The following PUDP variants were observed in gnomAD, a reference collection of about 807,000 sequenced individuals.
PUDP encodes the protein pseudouridine-5'-phosphatase.
PUDP carries 8 observed loss-of-function variants against 9.4 expected under a neutral mutation model. The observed-to-expected ratio is 0.85, with a 90% CI of 0.50 to 1.53. The LOEUF (loss-of-function observed/expected upper bound fraction) is 1.53. Among genes scored for constraint, PUDP ranks in the 40% most tolerant of loss-of-function variants. PUDP has a pLI of 0.00. For synonymous variants in PUDP, 99 were observed against 80.7 expected (o/e 1.23, Z -1.22); for missense variants, 188 against 189.7 (o/e 0.99, Z 0.05).
intron 3 of PUDP, among the ~76,000 whole-genome samples, chrX:6,734,911 C>A (rs1924855132): frequency 8.9e-6 from 1 of 111,768 alleles, no homozygotes; most frequent in Non-Finnish European, 1.9e-5. Flanking sequence ...GTATAGGAGG[C>A]CTGATGCTTG....
At chrX:6,815,023 T>C (rs1380975927) in intron 3 of PUDP, among the ~76,000 whole-genome samples, 2 of 111,546 alleles carry the variant, frequency 1.8e-5, no homozygotes, top group Non-Finnish European at 3.8e-5. Context: ...CTTTTTCTTG[T>C]TGCTATTCAT....
Position 6,799,947 on chromosome X carries a change from T to C in PUDP, c.*248-93481A>G, listed in dbSNP as rs188989076. Among the ~76,000 whole-genome samples, 20 of 112,603 alleles carry C rather than the reference T, an allele frequency of 1.8e-4. No homozygotes were observed. The East Asian group carries it at 5.2e-3, about 30-fold the overall frequency. ...TGGTAACTAACCCAGTATAAAACTC[T>C]TTTTTCTTCTTGTTAGTTTCTCAGG... is the stretch of plus-strand genomic sequence containing the variant. On this transcript the variant is annotated intron_variant and NMD_transcript_variant, in intron 3 of 3. Transcript: ENST00000655425.
chrX:6,735,030 T>G (rs1158841170), intron 3 of PUDP, among the ~76,000 whole-genome samples: 2 of 112,051 alleles, frequency 1.8e-5, no homozygotes, highest in Non-Finnish European at 3.8e-5. Context: ...AGTATTCAAG[T>G]GCTCCCAACC....
At position 6,999,551 on chromosome X, in the gene PUDP, G is replaced by C. The variant is rs138368875; in HGVS notation, c.205-21208C>G. Among the ~76,000 whole-genome samples the C allele has an allele frequency of 2.8e-4, 31 of 111,397 alleles. No homozygotes were observed. The East Asian group carries it at 8.5e-3, about 30-fold the overall frequency. On this transcript the variant is annotated intron_variant and NMD_transcript_variant, in intron 1 of 3. Transcript: ENST00000655425. ...GGTTTTCAATAAATTTCATCAGGTTGGTGTATAGACGTCACATTTTTTCCC... is the reference window on the plus strand; with the variant it reads ...GGTTTTCAATAAATTTCATCAGGTTCGTGTATAGACGTCACATTTTTTCCC...
rs779660051 is a variant in PUDP at position 6,713,970 on chromosome X, GC to G, written n.128+7446del. On this transcript the variant is annotated intron_variant and non_coding_transcript_variant, in intron 1 of 2. Transcript: ENST00000438499. ...TCGAGTGCAATGATTTTACCTTACTGCAGTCTCAACCTCCTGTGCTCAAGCG... is the reference window on the plus strand; with the variant it reads ...TCGAGTGCAATGATTTTACCTTACTGAGTCTCAACCTCCTGTGCTCAAGCG... Among the ~76,000 whole-genome samples, 13 of 111,201 alleles carry G rather than the reference GC, an allele frequency of 1.2e-4. No homozygotes were observed. In the South Asian group the frequency reaches 1.5e-3, roughly 13 times the overall value.
At chrX:7,138,376 T>C (rs1481620690) in intron 1 of PUDP, among the ~76,000 whole-genome samples, 2 of 94,784 alleles carry the variant, frequency 2.1e-5, no homozygotes, top group Non-Finnish European at 4.2e-5. Flanking sequence ...TAATCTAGTA[T>C]TTTTTTTTTT....
intron 1 of PUDP, among the ~76,000 whole-genome samples, chrX:7,041,871 T>C (rs1161103501): frequency 4.5e-5 from 1 of 21,986 alleles, no homozygotes; most frequent in African/African-American, 2.7e-4. Flanking sequence ...CTCTCTCTTT[T>C]TTTTTTTTTT....
downstream of PUDP, among the ~76,000 whole-genome samples, chrX:7,048,201 T>C (rs1468509243): frequency 1.8e-5 from 2 of 112,417 alleles, no homozygotes; most frequent in Non-Finnish European, 3.8e-5. Context: ...ATCAGCAGTA[T>C]AACAGGTCCT....
intron 3 of PUDP, among the ~76,000 whole-genome samples, chrX:6,969,643 G>C (rs1928840770): frequency 1.8e-5 from 2 of 112,264 alleles, no homozygotes; most frequent in Non-Finnish European, 3.8e-5. Flanking sequence ...TTGGGAGGCT[G>C]AGGCAGGAGG....
intron 3 of PUDP, among the ~76,000 whole-genome samples, chrX:7,076,637 C>A (rs1028457001): frequency 1.7e-4 from 19 of 111,885 alleles, no homozygotes; most frequent in Non-Finnish European, 3.6e-4. Flanking sequence ...GCATACCCTG[C>A]ATGGTCAAGC....
At chrX:6,710,355 G>A (rs1488916096) in intron 1 of PUDP, among the ~76,000 whole-genome samples, 1 of 111,589 alleles carries the variant, frequency 9.0e-6, no homozygotes, top group African/African-American at 3.3e-5. Context: ...ACCACTGCTT[G>A]GCAATGCAGT....
chrX:6,757,525 A>T (rs1925182909), intron 3 of PUDP, among the ~76,000 whole-genome samples: 1 of 111,404 alleles, frequency 9.0e-6, no homozygotes, highest in South Asian at 3.8e-4. Context: ...TCAACAAGAG[A>T]TAAATTATTT....
intron 3 of PUDP, among the ~76,000 whole-genome samples, chrX:6,816,399 A>G (rs1052419834): frequency 4.8e-5 from 5 of 103,879 alleles, no homozygotes; most frequent in South Asian, 4.1e-4. Context: ...TATGTATAGT[A>G]TATGTACTAT....
At chrX:6,960,986 G>A (rs1477700006) in intron 3 of PUDP, among the ~76,000 whole-genome samples, 1 of 111,632 alleles carries the variant, frequency 9.0e-6, no homozygotes, top group Admixed American at 9.5e-5. Flanking sequence ...ACAAGATGTG[G>A]GCTGGATCTG....
At chrX:6,830,181 T>C (rs1221907577) in intron 3 of PUDP, among the ~76,000 whole-genome samples, 1 of 109,440 alleles carries the variant, frequency 9.1e-6, no homozygotes, top group African/African-American at 3.3e-5. Context: ...TTTATTCAAA[T>C]GATAAAGAAA....
At chrX:7,016,627 C>T (rs989839388) in intron 1 of PUDP, among the ~76,000 whole-genome samples, 1 of 111,167 alleles carries the variant, frequency 9.0e-6, no homozygotes, top group East Asian at 2.8e-4. Flanking sequence ...CCAGCCCACA[C>T]GAGGTTCAGT....
At chrX:6,714,983 A>G (rs1018794239) in intron 1 of PUDP, among the ~76,000 whole-genome samples, 6 of 96,319 alleles carry the variant, frequency 6.2e-5, no homozygotes, top group Admixed American at 1.1e-4. Context: ...GTGTGTGTGT[A>G]TATATATATA....
At chrX:6,970,623 T>C (rs1001610502) in intron 3 of PUDP, among the ~76,000 whole-genome samples, 4 of 111,955 alleles carry the variant, frequency 3.6e-5, no homozygotes, top group Non-Finnish European at 7.5e-5. Context: ...ACTAGAGTAA[T>C]GATTGCTCTC....
chrX:6,930,393 C>T (rs181501917), intron 3 of PUDP, among the ~76,000 whole-genome samples: 4 of 111,482 alleles, frequency 3.6e-5, no homozygotes, highest in Non-Finnish European at 7.5e-5. Flanking sequence ...CAAAAGTGAC[C>T]TCTGGCTGTC....
Sources: allele counts gnomAD v4.1 joint callset (sites outside exome capture counted in the v4.1 genomes callset), GRCh38; gene constraint gnomAD v4.1.1; transcripts MANE v1.5; gene names NCBI Gene and HGNC (gene_info 2026-07-23, HGNC 2026-07-21).